Variants in GATB observed in about 807,000 individuals in gnomAD.
GATB encodes glutamyl-tRNA(Gln) amidotransferase subunit B, mitochondrial.
A neutral mutation model predicts 62.3 loss-of-function variants in GATB; 39 were observed. The ratio of observed to expected loss-of-function variants is 0.63; its 90% CI spans 0.48 to 0.82. The LOEUF (loss-of-function observed/expected upper bound fraction) is 0.82. GATB is among the 40% of genes least tolerant of loss of function. GATB has a pLI of 0.00. For synonymous variants in GATB, 276 were observed against 258.9 expected (o/e 1.07, Z -0.63); for missense variants, 670 against 684.0 (o/e 0.98, Z 0.23).
At chr4:151,713,333 A>G (rs985682530) in intron 5 of GATB, among the ~76,000 whole-genome samples, 3 of 152,218 alleles carry the variant, frequency 2.0e-5, no homozygotes, top group Non-Finnish European at 4.4e-5. Flanking sequence ...CGGCCCCCCA[A>G]GTCCACAGAA....
Position 151,707,970 on chromosome 4 carries a change from G to A in GATB, c.877+18C>T, listed in dbSNP as rs767101238. On this transcript the variant is annotated intron_variant, in intron 6 of 12. Transcript: ENST00000263985. ...AACAATAGGAAGAAGGACACTAGGA[G>A]CGGCAGCTGGCATTCACCTATGGCT... The A allele has an allele frequency of 1.3e-6, 2 of 1,489,454 alleles. No individual in the cohort carries two copies. The highest frequency in any genetic ancestry group is 1.9e-6 in the Non-Finnish European group (2 of 1,066,556). The allele number at this position is 1,489,454 out of a possible 1,614,324, so 92.3% of individuals were successfully genotyped here.
chr4:151,735,032 C>T (rs1187834465), intron 2 of GATB, among the ~76,000 whole-genome samples: 1 of 152,134 alleles, frequency 6.6e-6, no homozygotes, highest in Non-Finnish European at 1.5e-5. Context: ...GCAAGGATTT[C>T]ATGACCAAAA....
chr4:151,752,062 T>C (rs927731499), intron 2 of GATB, among the ~76,000 whole-genome samples: 4 of 152,194 alleles, frequency 2.6e-5, no homozygotes, highest in Non-Finnish European at 2.9e-5. Context: ...TTGACACTGT[T>C]GGGTACCGAA....
At chr4:151,743,869 T>C (rs913360775) in intron 2 of GATB, among the ~76,000 whole-genome samples, 3 of 152,230 alleles carry the variant, frequency 2.0e-5, no homozygotes, top group Non-Finnish European at 4.4e-5. Flanking sequence ...TCTGACTTTG[T>C]GAACTAATCA....
chr4:151,732,716 A>T (rs77278221), intron 2 of GATB, among the ~76,000 whole-genome samples: 1 of 123,218 alleles, frequency 8.1e-6, no homozygotes, highest in Non-Finnish European at 1.8e-5. Flanking sequence ...ATGATCAATA[A>T]AAAAAAAAAA....
chr4:151,735,809 G>A (rs1578932496), intron 2 of GATB, among the ~76,000 whole-genome samples: 1 of 146,578 alleles, frequency 6.8e-6, no homozygotes, highest in East Asian at 2.0e-4. Flanking sequence ...CATTTGCAAT[G>A]ACCTGGATGG....
At chr4:151,705,397 T>C (rs918928064) in intron 6 of GATB, 128 bp from the exon 7 acceptor site, 28 of 639,650 alleles carry the variant, frequency 4.4e-5, no homozygotes, top group Non-Finnish European at 7.1e-5. Context: ...TTGTTTATAA[T>C]AATCCTTCCC....
chr4:151,727,216 C>T (rs181624044), intron 2 of GATB, among the ~76,000 whole-genome samples: 5 of 152,294 alleles, frequency 3.3e-5, no homozygotes, highest in South Asian at 2.1e-4. Context: ...TCACCATGCC[C>T]GGCCCTTTAT....
At chr4:151,760,257 C>T in intron 1 of GATB, among the ~76,000 whole-genome samples, 1 of 152,192 alleles carries the variant, frequency 6.6e-6, no homozygotes. Flanking sequence ...ATAAGCAAAA[C>T]TCTCCATATA....
chr4:151,682,169 A>C (rs1387808621), intron 10 of GATB, among the ~76,000 whole-genome samples: 1 of 152,200 alleles, frequency 6.6e-6, no homozygotes, highest in Non-Finnish European at 1.5e-5. Context: ...TGACGTAATC[A>C]CACTTGGGAT....
In GATB at chr4:151,760,926, C is replaced by T; in HGVS notation, c.57G>A (p.Arg19=). The part of the protein sequence containing the change: ...GCRGRRWAFA[R]VDGGSCHRRG... Reference sequence around the variant, plus strand: ...TTCGGTGGCAAGAACCACCGTCAACCCGGGCGAAAGCCCAACGTCTTCCAC... The same window carrying T: ...TTCGGTGGCAAGAACCACCGTCAACTCGGGCGAAAGCCCAACGTCTTCCAC... Residue 19 remains arginine, a synonymous_variant, in exon 1 of 13, where the codon CGG becomes CGA. Coordinates refer to ENST00000263985, the MANE Select transcript of GATB (RefSeq NM_004564.3). The T allele has an allele frequency of 6.2e-7, 1 of 1,613,938 alleles. No homozygotes were observed. The highest frequency in any genetic ancestry group is 8.5e-7 in the Non-Finnish European group (1 of 1,179,956).
intron 2 of GATB, among the ~76,000 whole-genome samples, chr4:151,737,583 C>G (rs934476999): frequency 3.3e-5 from 5 of 152,206 alleles, no homozygotes; most frequent in African/African-American, 1.2e-4. Flanking sequence ...GAATGTTAAT[C>G]CCCAAGACAG....
intron 2 of GATB, among the ~76,000 whole-genome samples, chr4:151,745,947 T>A (rs1231296198): frequency 6.6e-6 from 1 of 152,216 alleles, no homozygotes. Context: ...ACAAGAGGCA[T>A]TCACAGTTGC....
chr4:151,715,414 ATC>A (rs1255226326), intron 5 of GATB, among the ~76,000 whole-genome samples: 2 of 152,200 alleles, frequency 1.3e-5, no homozygotes, highest in African/African-American at 4.8e-5. Flanking sequence ...AAAACCTATG[ATC>A]TTTATATGTA....
chr4:151,716,996 T>A lies in GATB; in HGVS notation c.520A>T (p.Lys174Ter). Residue 174 changes from lysine (K) to a stop codon, truncating the protein, a stop_gained, in exon 4 of 13, where the codon AAG (lysine) becomes TAG (stop). Coordinates refer to ENST00000263985, the MANE Select transcript of GATB (RefSeq NM_004564.3). LOFTEE classifies it high-confidence loss of function. ...GTCTTGGGGATCACCTGACTCTGCT[T>A]CTTCCCTGCACAGACGCCATATATC... ...SLIYGVCAGK[K>*]QSQVIPKTVR... 1 of 1,614,166 alleles carries A rather than the reference T, an allele frequency of 6.2e-7. No homozygotes were observed. The highest frequency in any genetic ancestry group is 8.5e-7 in the Non-Finnish European group (1 of 1,180,032).
chr4:151,720,075 C>A (rs1040254826), intron 2 of GATB: 1 of 152,416 alleles, frequency 6.6e-6, no homozygotes, highest in African/African-American at 2.4e-5. Flanking sequence ...CAGGCCAACT[C>A]CCTAAAAGTG....
At chr4:151,727,362 A>G (rs1739157090) in intron 2 of GATB, among the ~76,000 whole-genome samples, 1 of 152,234 alleles carries the variant, frequency 6.6e-6, no homozygotes, top group Non-Finnish European at 1.5e-5. Flanking sequence ...CTCCCATGAT[A>G]CAGTTTGGTT....
chr4:151,715,877 T>C, intron 5 of GATB, 132 bp downstream of exon 5: 4 of 1,050,748 alleles, frequency 3.8e-6, no homozygotes, highest in Non-Finnish European at 5.2e-6. Flanking sequence ...AAAAACAGGG[T>C]TGCAAAAGGC....
chr4:151,740,223 CT>C (rs1451405359), intron 2 of GATB, among the ~76,000 whole-genome samples: 2 of 152,210 alleles, frequency 1.3e-5, no homozygotes, highest in Admixed American at 6.5e-5. Flanking sequence ...CCTAGAAACT[CT>C]TTCCTAGTAC....
Sources: allele counts gnomAD v4.1 joint callset (sites outside exome capture counted in the v4.1 genomes callset), GRCh38; gene constraint gnomAD v4.1.1; transcripts MANE v1.5; gene names NCBI Gene and HGNC (gene_info 2026-07-23, HGNC 2026-07-21).